The following CAPN7 variants were observed in gnomAD, a reference collection of about 807,000 sequenced individuals.
CAPN7 encodes the protein calpain 7.
A neutral mutation model predicts 115.2 loss-of-function variants in CAPN7; 72 were observed. The ratio of observed to expected loss-of-function variants is 0.63; its 90% CI spans 0.52 to 0.76. CAPN7 has a LOEUF of 0.76. Ranked by LOEUF, CAPN7 falls within the 30% of genes least tolerant of loss-of-function variation. The probability of loss-of-function intolerance (pLI) is 0.00; values close to 1 mark genes in which losing one functional copy is unlikely to be tolerated. For synonymous variants in CAPN7, 344 were observed against 322.3 expected (o/e 1.07, Z -0.72); for missense variants, 905 against 971.5 (o/e 0.93, Z 0.91).
intron 19 of CAPN7, among the ~76,000 whole-genome samples, chr3:15,248,426 G>A (rs1251551383): frequency 2.0e-5 from 3 of 152,170 alleles, no homozygotes; most frequent in African/African-American, 7.2e-5. Context: ...TTCTACTTCT[G>A]TGAAGTCAAG....
chr3:15,234,611 A>G (rs1390241482), intron 11 of CAPN7, among the ~76,000 whole-genome samples: 2 of 152,202 alleles, frequency 1.3e-5, no homozygotes. Context: ...TAAGCCTTAA[A>G]TGGATAATCC....
intron 12 of CAPN7, among the ~76,000 whole-genome samples, chr3:15,236,048 A>G (rs1694977126): frequency 6.6e-6 from 1 of 152,178 alleles, no homozygotes; most frequent in Non-Finnish European, 1.5e-5. Context: ...CCATATATCT[A>G]TAATTCCAGC....
intron 11 of CAPN7, among the ~76,000 whole-genome samples, 187 bp from the exon 12 acceptor site, chr3:15,234,838 T>TA (rs202131050): frequency 6.6e-6 from 1 of 150,450 alleles, no homozygotes; most frequent in African/African-American, 2.5e-5. Context: ...GCCAGAAACT[T>TA]AAAAAAAGAG....
At chr3:15,227,776 A>G (rs1478244524) in intron 6 of CAPN7, 63 bp from the exon 7 acceptor site, 3 of 1,060,974 alleles carry the variant, frequency 2.8e-6, no homozygotes, top group Non-Finnish European at 3.8e-6. Context: ...AGGAAATTTA[A>G]TTTTGGCTTT....
chr3:15,217,693 A>T, intron 3 of CAPN7, 111 bp downstream of exon 3: 2 of 814,102 alleles, frequency 2.5e-6, no homozygotes, highest in Non-Finnish European at 3.6e-6. Context: ...AATAAAAAAA[A>T]TTATTTTAAA....
Position 15,235,113 on chromosome 3 carries a change from G to T in CAPN7, c.1375G>T (p.Ala459Ser), listed in dbSNP as rs781081400. Residue 459 changes from alanine to serine, a missense_variant, in exon 12 of 21, where the codon GCA (alanine) becomes TCA (serine). This residue lies in a region of CAPN7 where 620 missense variants were observed against 703.4 expected (regional missense o/e 0.88). Transcript: ENST00000253693. ...GAAGTGGGGTCTGGTTCCCACACAC[G>T]CATATGCTGTTTTGGATATTAGAGA... ...GEKWGLVPTH[A>S]YAVLDIREFK... 18 of 1,612,466 alleles carry T rather than the reference G, an allele frequency of 1.1e-5. No individual in the cohort carries two copies. Among genetic ancestry groups the T allele is most frequent in the African/African-American group, 9.4e-5 (7 of 74,790 alleles).
Position 15,229,021 on chromosome 3 carries a change from A to T in CAPN7, c.900A>T (p.Ala300=). ...TTGTGGCATCACTGGCCATCAGTGC[A>T]GCTTATGAAAGACGTTTTAATAAGA... The part of the protein sequence containing the change: ...CSFVASLAIS[A]AYERRFNKKL... Residue 300 remains alanine (A), a synonymous_variant, in exon 8 of 21, where the codon GCA becomes GCT. Transcript: ENST00000253693. The T allele has an allele frequency of 1.9e-6, 3 of 1,613,718 alleles. No individual in the cohort carries two copies. Among genetic ancestry groups the T allele is most frequent in the Non-Finnish European group, 2.5e-6 (3 of 1,179,674 alleles).
intron 1 of CAPN7, among the ~76,000 whole-genome samples, chr3:15,208,634 G>C (rs1239213608): frequency 6.6e-6 from 1 of 152,060 alleles, no homozygotes; most frequent in Non-Finnish European, 1.5e-5. Context: ...TGGGCATTCA[G>C]TTGATTTTGT....
chr3:15,223,664 T>G (rs1271895203), intron 6 of CAPN7, 103 bp downstream of exon 6: 3 of 743,422 alleles, frequency 4.0e-6, no homozygotes, highest in Admixed American at 2.6e-5. Context: ...ATAAAAAAAT[T>G]TGTTGGAATA....
chr3:15,225,250 C>A (rs1575189358), intron 6 of CAPN7, among the ~76,000 whole-genome samples: 1 of 152,018 alleles, frequency 6.6e-6, no homozygotes, highest in South Asian at 2.1e-4. Context: ...TTTTTTATAC[C>A]TCTTTGACTA....
Position 15,244,116 on chromosome 3 carries a change from A to G in CAPN7, c.1865-1410A>G, listed in dbSNP as rs191080110. ...ACAGTTCTTGCAAGAAAGCTGTGCA[A>G]AGAAATGGGCAGTGATGGGAAGATG... is the stretch of plus-strand genomic sequence containing the variant. On this transcript the variant is annotated intron_variant, in intron 16 of 20. Transcript: ENST00000253693. 1.7e-3 allele frequency among the ~76,000 whole-genome samples: 258 copies of G among 152,306 alleles called. 2 individuals carry two copies. Among genetic ancestry groups the G allele is most frequent in the African/African-American group, 5.5e-3 (227 of 41,566 alleles).
At chr3:15,214,047 ATTT>A (rs2045104755) in intron 2 of CAPN7, among the ~76,000 whole-genome samples, 1 of 151,840 alleles carries the variant, frequency 6.6e-6, no homozygotes, top group Admixed American at 6.6e-5. Flanking sequence ...CACCCAGCTG[ATTT>A]TTTATATTTT....
At chr3:15,212,707 G>A (rs928898194) in intron 2 of CAPN7, among the ~76,000 whole-genome samples, 1 of 152,100 alleles carries the variant, frequency 6.6e-6, no homozygotes, top group Non-Finnish European at 1.5e-5. Context: ...GGAACTACTT[G>A]TATTTATTTT....
chr3:15,236,369 G>A lies in CAPN7; in HGVS notation c.1407+1224G>A, dbSNP rs1694992620. Among the ~76,000 whole-genome samples the A allele has an allele frequency of 2.6e-5, 4 of 152,220 alleles. No individual in the cohort carries two copies. In the South Asian group the frequency reaches 8.3e-4, roughly 32 times the overall value. On this transcript the variant is annotated intron_variant, in intron 12 of 20. Coordinates refer to ENST00000253693, the MANE Select transcript of CAPN7 (RefSeq NM_014296.3). ...TCTGAGGTTGTTGTTATTTTTAACT[G>A]AAAAATGGATTTGTTCTATGGATTC...
intron 10 of CAPN7, among the ~76,000 whole-genome samples, chr3:15,233,004 C>T (rs1453424282): frequency 2.0e-5 from 3 of 152,126 alleles, no homozygotes; most frequent in African/African-American, 7.2e-5. Flanking sequence ...TTTATCCAGT[C>T]TTAACAGAAC....
intron 14 of CAPN7, 131 bp from the exon 15 acceptor site, chr3:15,241,322 G>T: frequency 1.2e-6 from 1 of 809,090 alleles, no homozygotes. Flanking sequence ...TCCTAGTTAT[G>T]CCAAAAAAAT....
At position 15,206,489 on chromosome 3, in the gene CAPN7, C is replaced by T. The variant is rs986747027; in HGVS notation, c.-7C>T. 6.5e-6 allele frequency: 10 copies of T among 1,543,184 alleles called. No homozygotes were observed. The Admixed American group carries it at 1.4e-4, about 21-fold the overall frequency. On this transcript the variant is annotated 5_prime_UTR_variant, in exon 1 of 21. Transcript: ENST00000253693. ...CCTTCCCTGCCCCGGCGCGGGGCCA[C>T]TGCGCCATGGACGCCACAGCACTGG...
chr3:15,228,131 A>G (rs1476294860), intron 7 of CAPN7, among the ~76,000 whole-genome samples, 166 bp downstream of exon 7: 3 of 152,142 alleles, frequency 2.0e-5, no homozygotes, highest in Non-Finnish European at 4.4e-5. Context: ...CTGAGATAAT[A>G]TAAGTATAAA....
intron 9 of CAPN7, among the ~76,000 whole-genome samples, chr3:15,231,332 C>A (rs1404558152): frequency 2.0e-5 from 3 of 152,088 alleles, no homozygotes; most frequent in Non-Finnish European, 4.4e-5. Context: ...TAACAAGATT[C>A]CAGGTGATGC....
Sources: gnomAD v4.1 joint callset for allele counts (sites outside exome capture counted in the v4.1 genomes callset) on GRCh38, gnomAD v4.1.1 for gene constraint, gnomAD v4.1.1 regional missense constraint, MANE v1.5 for transcripts, NCBI Gene and HGNC (gene_info 2026-07-23, HGNC 2026-07-21) for gene names.